Variants in PIP4P2 observed in about 807,000 individuals in gnomAD.
The protein encoded by PIP4P2 is type 2 phosphatidylinositol 4,5-bisphosphate 4-phosphatase.
A neutral mutation model predicts 33.3 loss-of-function variants in PIP4P2; 19 were observed. That is an observed-to-expected ratio of 0.57 (90% CI 0.40 to 0.84). The LOEUF is 0.84. Ranked by LOEUF, PIP4P2 falls within the 40% of genes least tolerant of loss-of-function variation. The probability of loss-of-function intolerance (pLI) is 0.00; values close to 1 mark genes in which losing one functional copy is unlikely to be tolerated. For synonymous variants in PIP4P2, 110 were observed against 111.9 expected, an observed-to-expected ratio of 0.98 and a Z score of 0.11; for missense variants, 270 against 324.7, an observed-to-expected ratio of 0.83 and a Z score of 1.29.
chr8:91,014,675 A>G (rs1275446360), intron 4 of PIP4P2, among the ~76,000 whole-genome samples: 5 of 151,784 alleles, frequency 3.3e-5, no homozygotes, highest in Non-Finnish European at 7.4e-5. Context: ...TCTAATGTAC[A>G]GTATAGTGAC....
intron 1 of PIP4P2, among the ~76,000 whole-genome samples, chr8:91,022,718 G>C (rs1358330017): frequency 1.3e-5 from 2 of 152,216 alleles, no homozygotes; most frequent in Non-Finnish European, 2.9e-5. Flanking sequence ...AAAACATTTT[G>C]GTATGTTTAA....
At chr8:91,034,286 G>A (rs1812207419) in intron 1 of PIP4P2, among the ~76,000 whole-genome samples, 1 of 152,152 alleles carries the variant, frequency 6.6e-6, no homozygotes, top group Non-Finnish European at 1.5e-5. Flanking sequence ...ATATTTTAAA[G>A]ATGCTCAGTA....
intron 2 of PIP4P2, among the ~76,000 whole-genome samples, chr8:91,020,482 T>C (rs1811992620): frequency 6.6e-6 from 1 of 152,232 alleles, no homozygotes; most frequent in Admixed American, 6.5e-5. Context: ...TGACTTTTTT[T>C]AGTCTTTTCT....
At chr8:90,998,739 C>G (rs771300244) in intron 5 of PIP4P2, among the ~76,000 whole-genome samples, 3 of 151,994 alleles carry the variant, frequency 2.0e-5, no homozygotes, top group African/African-American at 7.2e-5. Context: ...GGACTCCTTC[C>G]TCATACCAAA....
intron 5 of PIP4P2, among the ~76,000 whole-genome samples, chr8:91,004,071 A>C (rs1365024954): frequency 6.6e-6 from 1 of 152,140 alleles, no homozygotes; most frequent in African/African-American, 2.4e-5. Context: ...AGAGGCTGAG[A>C]AGTCTTGCAA....
intron 2 of PIP4P2, 28 bp from the exon 3 acceptor site, chr8:91,020,291 A>G (rs759591872): frequency 7.5e-6 from 12 of 1,596,000 alleles, no homozygotes; most frequent in Non-Finnish European, 9.5e-6. Flanking sequence ...ATGCAAACAC[A>G]GCAATTAACC....
intron 1 of PIP4P2, among the ~76,000 whole-genome samples, chr8:91,036,325 T>C (rs987310546): frequency 6.6e-6 from 1 of 151,752 alleles, no homozygotes; most frequent in Admixed American, 6.6e-5. Context: ...TCTTGGATAT[T>C]TGAAAGCATC....
In PIP4P2 at chr8:90,995,444, T is replaced by C. The variant is rs1262489730; in HGVS notation, c.*233A>G. ...CAAATCCAAAAATATCTATAAGAGA[T>C]GTAAAAGAACATGAAAAGGCTTTAT... On this transcript the variant is annotated 3_prime_UTR_variant, in exon 7 of 7. Transcript: ENST00000285419. 3.1e-6 allele frequency: 1 copy of C among 320,774 alleles called. No individual in the cohort carries two copies. Among genetic ancestry groups the C allele is most frequent in the Non-Finnish European group, 5.5e-6 (1 of 181,524 alleles). The allele number at this position is 320,774 out of a possible 1,614,324, so 19.9% of individuals were successfully genotyped here. A position where few individuals can be genotyped will look rare whatever the true frequency, so the allele number is the denominator to read the frequency against.
Position 90,998,575 on chromosome 8 carries a change from G to A in PIP4P2, c.540-1831C>T, listed in dbSNP as rs149654612. Among the ~76,000 whole-genome samples the A allele has an allele frequency of 1.7e-3, 262 of 151,848 alleles. 1 individual carries two copies. Among genetic ancestry groups the A allele is most frequent in the African/African-American group, 6.1e-3 (253 of 41,482 alleles). ...AAACAGACACACAGATCAATTGAAC[G>A]GAATAGAGAACCCAGAAATAAGGCC... On this transcript the variant is annotated intron_variant, in intron 5 of 6. Transcript: ENST00000285419.
chr8:91,030,765 AGAGT>A (rs1237841813), intron 1 of PIP4P2, among the ~76,000 whole-genome samples: 2 of 152,242 alleles, frequency 1.3e-5, no homozygotes, highest in African/African-American at 4.8e-5. Flanking sequence ...CTTACAAAAG[AGAGT>A]ATGACTTATA....
chr8:91,039,634 C>CA (rs1308279892), intron 1 of PIP4P2, among the ~76,000 whole-genome samples: 2 of 151,778 alleles, frequency 1.3e-5, no homozygotes, highest in African/African-American at 2.4e-5. Flanking sequence ...CATATTTAGC[C>CA]AAAAAAAGAG....
rs767564451 is a variant in PIP4P2, at chr8:90,995,723, T to A, written c.728A>T (p.Tyr243Phe). The change falls in exon 7 of 7, where the codon TAT becomes TTT. Residue 243 changes from tyrosine to phenylalanine, a missense_variant. Transcript: ENST00000285419. ...LGLICLIRAC[Y>F]WGAIRVSYPE... ...ATAACTGACTCTTATGGCTCCCCAA[T>A]AACAAGCTCGGATAAGGCAGATCAA... 1.9e-6 allele frequency: 3 copies of A among 1,613,300 alleles called. No homozygotes were observed. The highest frequency in any genetic ancestry group is 2.5e-6 in the Non-Finnish European group (3 of 1,179,570).
intron 4 of PIP4P2, among the ~76,000 whole-genome samples, chr8:91,011,035 T>TAGAC (rs1811830219): frequency 6.9e-6 from 1 of 145,320 alleles, no homozygotes; most frequent in Admixed American, 6.8e-5. Flanking sequence ...GATAGATAGA[T>TAGAC]AGATAGATAG....
chr8:91,005,125 T>C (rs1811749298), intron 5 of PIP4P2, among the ~76,000 whole-genome samples: 1 of 152,192 alleles, frequency 6.6e-6, no homozygotes, highest in Non-Finnish European at 1.5e-5. Flanking sequence ...TACTATTCTA[T>C]ATCTAATATG....
At chr8:91,027,050 A>T (rs895295701) in intron 1 of PIP4P2, among the ~76,000 whole-genome samples, 6 of 152,254 alleles carry the variant, frequency 3.9e-5, no homozygotes, top group African/African-American at 1.4e-4. Flanking sequence ...GGGAATGTCT[A>T]TCTTAACCTT....
intron 1 of PIP4P2, among the ~76,000 whole-genome samples, chr8:91,027,452 T>C (rs142743575): frequency 0.023 from 3,546 of 152,320 alleles, 72 homozygotes; most frequent in Non-Finnish European, 0.033. Context: ...TCAAGCCCTT[T>C]GTCTCAAGAT....
At chr8:91,001,560 A>G (rs1238190150) in intron 5 of PIP4P2, among the ~76,000 whole-genome samples, 1 of 152,028 alleles carries the variant, frequency 6.6e-6, no homozygotes, top group African/African-American at 2.4e-5. Flanking sequence ...CATGTGTCAA[A>G]TTTGCTACAA....
chr8:90,999,034 G>T lies in PIP4P2; in HGVS notation c.540-2290C>A, dbSNP rs533660718. ...TTTGCAAACTATGCATCTGACAAAG[G>T]TCTAACATCCAGCATCTATAAGAAC... On this transcript the variant is annotated intron_variant, in intron 5 of 6. Transcript: ENST00000285419. 5.3e-5 allele frequency among the ~76,000 whole-genome samples: 8 copies of T among 151,916 alleles called. No homozygotes were observed. In the East Asian group the frequency reaches 1.4e-3, roughly 26 times the overall value.
chr8:91,019,271 T>A (rs1213054497), intron 3 of PIP4P2, among the ~76,000 whole-genome samples: 2 of 151,180 alleles, frequency 1.3e-5, no homozygotes, highest in African/African-American at 2.4e-5. Flanking sequence ...ACTAAGTGAT[T>A]ACTTTTTTTT....
Sources: gnomAD v4.1 joint callset for allele counts (sites outside exome capture counted in the v4.1 genomes callset) on GRCh38, gnomAD v4.1.1 for gene constraint, MANE v1.5 for transcripts, NCBI Gene and HGNC (gene_info 2026-07-23, HGNC 2026-07-21) for gene names.